Variants in NPIPB15 observed in about 807,000 individuals in gnomAD.
NPIPB15 encodes the protein nuclear pore complex interacting protein family member B15, also known as nuclear pore complex-interacting protein family member B15.
In NPIPB15, 5 loss-of-function variants were observed where a neutral mutation model predicts 35.9. That is an observed-to-expected ratio of 0.14 (90% CI 0.07 to 0.29). The LOEUF is 0.29. NPIPB15 is among the 10% of genes least tolerant of loss of function. The pLI, the probability that NPIPB15 is intolerant of heterozygous loss-of-function variation, is 1.00. For missense variants in NPIPB15, 100 were observed against 506.1 expected (o/e 0.20, Z 7.70); for synonymous variants, 43 against 182.0 (o/e 0.24, Z 6.15).
intron 2 of NPIPB15, among the ~76,000 whole-genome samples, chr16:74,381,008 T>C (rs1466776386): frequency 6.6e-6 from 1 of 150,600 alleles, no homozygotes; most frequent in Non-Finnish European, 1.5e-5. Flanking sequence ...TCGGGCATGG[T>C]GGCAGAGACC....
intron 5 of NPIPB15, chr16:74,388,184 G>A (rs2012375787): frequency 1.3e-6 from 1 of 746,068 alleles, no homozygotes; most frequent in Admixed American, 6.7e-5. Context: ...TGAACTGCGG[G>A]GTTAATGACA....
At chr16:74,379,315 T>C (rs950176548) in intron 2 of NPIPB15, among the ~76,000 whole-genome samples, 2 of 152,204 alleles carry the variant, frequency 1.3e-5, no homozygotes, top group African/African-American at 4.8e-5. Flanking sequence ...ATCATTTCCA[T>C]TTCAGACTCA....
At chr16:74,378,277 A>T (rs1387297922) in intron 2 of NPIPB15, among the ~76,000 whole-genome samples, 2 of 151,764 alleles carry the variant, frequency 1.3e-5, no homozygotes, top group East Asian at 3.9e-4. Context: ...CAGTTACTGG[A>T]GAGGCTGAGG....
intron 2 of NPIPB15, among the ~76,000 whole-genome samples, chr16:74,380,922 G>A (rs1049035186): frequency 6.6e-6 from 1 of 152,264 alleles, no homozygotes; most frequent in Non-Finnish European, 1.5e-5. Flanking sequence ...GAGGCAGGCA[G>A]ATCGCCTGCC....
At chr16:74,384,991 T>G (rs913090105) in intron 3 of NPIPB15, among the ~76,000 whole-genome samples, 5 of 93,524 alleles carry the variant, frequency 5.3e-5, no homozygotes, top group South Asian at 4.2e-4. Flanking sequence ...CATGTCATTC[T>G]TGTGTGTGTG....
chr16:74,389,149 G>C (rs941335600), intron 5 of NPIPB15, among the ~76,000 whole-genome samples: 2 of 139,574 alleles, frequency 1.4e-5, no homozygotes, highest in South Asian at 2.4e-4. Flanking sequence ...CCTTCAAAAG[G>C]ACTATGCCTG....
intron 5 of NPIPB15, chr16:74,388,713 A>G (rs2012401774): frequency 1.0e-6 from 1 of 963,162 alleles, no homozygotes; most frequent in Non-Finnish European, 1.2e-6. Flanking sequence ...TAACCTGAGG[A>G]AACTAAGCAT....
chr16:74,382,709 C>A (rs1174754219), intron 3 of NPIPB15, among the ~76,000 whole-genome samples: 4 of 152,248 alleles, frequency 2.6e-5, no homozygotes, highest in Non-Finnish European at 5.9e-5. Flanking sequence ...ACTAATACCA[C>A]AATGCTTTTT....
At chr16:74,384,991 T>TGTGTG (rs2012188885) in intron 3 of NPIPB15, among the ~76,000 whole-genome samples, 1 of 93,482 alleles carries the variant, frequency 1.1e-5, no homozygotes, top group Non-Finnish European at 2.1e-5. Flanking sequence ...CATGTCATTC[T>TGTGTG]TGTGTGTGTG....
chr16:74,378,085 T>TGTGTCA lies in NPIPB15; in HGVS notation c.66+47_66+52dup, dbSNP rs1440619099. The TGTGTCA allele has an allele frequency of 1.9e-6, 3 of 1,600,096 alleles. No homozygotes were observed. In the African/African-American group the frequency reaches 4.0e-5, roughly 21 times the overall value. ...CCGGGTTTCTTCCTTTTTACTGGGC[T>TGTGTCA]GTGTCACGCGGCATGAAATTACACA... On this transcript the variant is annotated intron_variant, in intron 2 of 7. Coordinates refer to ENST00000692376, the MANE Select transcript of NPIPB15 (RefSeq NM_001306094.2).
In NPIPB15 at chr16:74,377,294, AG is replaced by A. The variant is rs1171135080; in HGVS notation, c.-73del. 6.6e-6 allele frequency among the ~76,000 whole-genome samples: 1 copy of A among 151,854 alleles called. No homozygotes were observed. The highest frequency in any genetic ancestry group is 6.6e-5 in the Admixed American group (1 of 15,182). On this transcript the variant is annotated 5_prime_UTR_variant, in exon 1 of 8. Transcript: ENST00000692376. ...AGGAACCCTGGGAGCTCAGGAAGGA[AG>A]GAGAGCCCAGAAGCAGGGACAGGGA...
intron 2 of NPIPB15, among the ~76,000 whole-genome samples, chr16:74,378,339 C>G (rs1379710490): frequency 6.7e-6 from 1 of 149,636 alleles, no homozygotes; most frequent in East Asian, 2.0e-4. Flanking sequence ...GCTGAGATGG[C>G]CCCGCTGCAC....
At chr16:74,382,947 G>A (rs1393081749) in intron 3 of NPIPB15, among the ~76,000 whole-genome samples, 14 of 116,966 alleles carry the variant, frequency 1.2e-4, no homozygotes, top group South Asian at 7.1e-4. Flanking sequence ...CCCCCGAAAC[G>A]AGTCTCCCTC....
At chr16:74,386,233 C>T (rs1252783391) in intron 5 of NPIPB15, among the ~76,000 whole-genome samples, 1 of 132,920 alleles carries the variant, frequency 7.5e-6, no homozygotes, top group Non-Finnish European at 1.6e-5. Flanking sequence ...AATCCACCTG[C>T]CTCAGCCTCC....
chr16:74,379,907 C>G (rs1348675680), intron 2 of NPIPB15, among the ~76,000 whole-genome samples: 8 of 151,636 alleles, frequency 5.3e-5, no homozygotes, highest in Non-Finnish European at 1.2e-4. Flanking sequence ...AATTTTTAAG[C>G]ACTAAAATTT....
chr16:74,377,430 G>T (rs1471234183), intron 1 of NPIPB15, among the ~76,000 whole-genome samples, 84 bp downstream of exon 1: 1 of 151,980 alleles, frequency 6.6e-6, no homozygotes, highest in East Asian at 2.0e-4. Context: ...AATGATGCGG[G>T]CGCTACTTGG....
intron 7 of NPIPB15, chr16:74,390,897 A>T: frequency 1.1e-6 from 1 of 896,652 alleles, no homozygotes; most frequent in Non-Finnish European, 1.3e-6. Flanking sequence ...TGAGAATCAG[A>T]GACAGAACAT....
chr16:74,378,428 T>C (rs2011796743), intron 2 of NPIPB15, among the ~76,000 whole-genome samples: 1 of 127,314 alleles, frequency 7.9e-6, no homozygotes, highest in Non-Finnish European at 1.7e-5. Context: ...GATGCCTTTT[T>C]TTTTTTTTTT....
chr16:74,381,092 G>A (rs867605695), intron 2 of NPIPB15, among the ~76,000 whole-genome samples: 1,464 of 138,328 alleles, frequency 0.011, 8 homozygotes, highest in African/African-American at 0.039. Flanking sequence ...GCAGTGAGCC[G>A]AGATTGCACC....
Sources: gnomAD v4.1 joint callset for allele counts (sites outside exome capture counted in the v4.1 genomes callset) on GRCh38, gnomAD v4.1.1 for gene constraint, MANE v1.5 for transcripts, NCBI Gene and HGNC (gene_info 2026-07-23, HGNC 2026-07-21) for gene names.